The following PPP1R9A variants were observed in gnomAD, a reference collection of about 807,000 sequenced individuals.
PPP1R9A encodes the protein protein phosphatase 1 regulatory subunit 9A.
Under a neutral mutation model 141.9 loss-of-function variants are expected in PPP1R9A, and 59 were observed. The observed-to-expected ratio is 0.42, with a 90% CI of 0.34 to 0.52. The LOEUF is 0.52. Ranked by LOEUF, PPP1R9A falls within the 20% of genes least tolerant of loss-of-function variation. The pLI, the probability that PPP1R9A is intolerant of heterozygous loss-of-function variation, is 0.10. For synonymous variants in PPP1R9A, 500 were observed against 569.7 expected, an observed-to-expected ratio of 0.88 and a Z score of 1.74; for missense variants, 1,444 against 1,611.9, an observed-to-expected ratio of 0.90 and a Z score of 1.78.
intron 5 of PPP1R9A, among the ~76,000 whole-genome samples, chr7:95,173,048 T>G (rs1467644666): frequency 6.6e-6 from 1 of 151,892 alleles, no homozygotes; most frequent in Non-Finnish European, 1.5e-5. Flanking sequence ...GACCTTCATC[T>G]CACAGTATAT....
At chr7:94,977,912 G>A (rs1331030008) in intron 2 of PPP1R9A, among the ~76,000 whole-genome samples, 1 of 151,924 alleles carries the variant, frequency 6.6e-6, no homozygotes, top group Non-Finnish European at 1.5e-5. Context: ...ACAGGCACGT[G>A]CCACCATGCC....
chr7:95,073,845 G>T (rs1814401651), intron 2 of PPP1R9A, among the ~76,000 whole-genome samples: 1 of 151,766 alleles, frequency 6.6e-6, no homozygotes, highest in Non-Finnish European at 1.5e-5. Context: ...GCCTCCCAAA[G>T]TGCTGAGATT....
At chr7:95,289,588 A>G (rs1249575531) in intron 19 of PPP1R9A, among the ~76,000 whole-genome samples, 1 of 152,190 alleles carries the variant, frequency 6.6e-6, no homozygotes, top group Admixed American at 6.5e-5. Context: ...GCCTACAGGG[A>G]AAGAATGGCT....
chr7:94,971,499 T>A (rs1798856164), intron 2 of PPP1R9A, among the ~76,000 whole-genome samples: 1 of 152,198 alleles, frequency 6.6e-6, no homozygotes, highest in Non-Finnish European at 1.5e-5. Context: ...GTAAAATAAC[T>A]CTTAACTCTT....
chr7:95,157,523 C>T (rs947094560), intron 4 of PPP1R9A, among the ~76,000 whole-genome samples: 2 of 152,178 alleles, frequency 1.3e-5, no homozygotes, highest in African/African-American at 2.4e-5. Context: ...GAAGGGCTTA[C>T]GCTTGTCCCC....
intron 2 of PPP1R9A, among the ~76,000 whole-genome samples, chr7:95,094,024 T>A (rs938390797): frequency 6.6e-6 from 1 of 152,190 alleles, no homozygotes; most frequent in Non-Finnish European, 1.5e-5. Context: ...GCTGATTTAT[T>A]TGAATAAAAA....
At position 94,982,965 on chromosome 7, in the gene PPP1R9A, G is replaced by A. The variant is rs1056349659; in HGVS notation, c.1395+71457G>A. On this transcript the variant is annotated intron_variant, in intron 2 of 19. Transcript: ENST00000433360. ...TTATGGTTTTAGGTCTAACATTTAA[G>A]TCTTTAATCCATCTTGAATTAATTT... Among the ~76,000 whole-genome samples, 90 of 152,282 alleles carry A rather than the reference G, an allele frequency of 5.9e-4. 1 individual carries two copies. Among genetic ancestry groups the A allele is most frequent in the African/African-American group, 2.1e-3 (86 of 41,556 alleles).
At chr7:94,998,203 A>G (rs1383522346) in intron 2 of PPP1R9A, among the ~76,000 whole-genome samples, 1 of 152,160 alleles carries the variant, frequency 6.6e-6, no homozygotes, top group Non-Finnish European at 1.5e-5. Context: ...ATGAAATTCT[A>G]CACAGGACCC....
At chr7:95,126,013 A>T (rs935157401) in intron 4 of PPP1R9A, among the ~76,000 whole-genome samples, 26 of 152,086 alleles carry the variant, frequency 1.7e-4, no homozygotes, top group Non-Finnish European at 5.9e-5. Flanking sequence ...CCCCTATTCG[A>T]TGGTTTCCTC....
Position 95,140,615 on chromosome 7 carries a change from T to G in PPP1R9A, c.1649+19783T>G, listed in dbSNP as rs567493921. On this transcript the variant is annotated intron_variant, in intron 4 of 19. Transcript: ENST00000433360. ...CATGTTGGCCAGGCTGGTCTTGAAT[T>G]CCTGGTCCCAAGTGGTCTACCTATC... Among the ~76,000 whole-genome samples, 72 of 152,342 alleles carry G rather than the reference T, an allele frequency of 4.7e-4. 1 individual carries two copies. The highest frequency in any genetic ancestry group is 1.7e-3 in the African/African-American group (70 of 41,572).
At chr7:95,128,418 T>C (rs1483436268) in intron 4 of PPP1R9A, among the ~76,000 whole-genome samples, 1 of 152,234 alleles carries the variant, frequency 6.6e-6, no homozygotes, top group African/African-American at 2.4e-5. Flanking sequence ...TATTCGACTT[T>C]TGTCAGATGC....
rs201789310 is a variant in PPP1R9A, at chr7:95,198,458, G to T, written c.1864G>T (p.Ala622Ser). ...GAGAGAGCTGCTGGAACAGCACTATGCCCAGTATGATGCCGACGATGACGA... is the reference window on the plus strand; with the variant it reads ...GAGAGAGCTGCTGGAACAGCACTATTCCCAGTATGATGCCGACGATGACGA... ...RQRELLEQHY[A>S]QYDADDDENT... The change falls in exon 6 of 20, where the codon GCC (alanine) becomes TCC (serine). Residue 622 changes from alanine to serine, a missense_variant. Ala to Ser is a moderately conservative substitution (Grantham distance 99). Around this residue, in one of 5 missense-constraint regions of PPP1R9A, gnomAD observed 488 missense variants for 542.0 expected, o/e 0.90. Coordinates refer to ENST00000433360, the MANE Select transcript of PPP1R9A (RefSeq NM_001166160.2). 68 of 1,601,984 alleles carry T rather than the reference G, an allele frequency of 4.2e-5. No homozygotes were observed. Among genetic ancestry groups the T allele is most frequent in the Middle Eastern group, 1.7e-4 (1 of 6,004 alleles).
intron 4 of PPP1R9A, among the ~76,000 whole-genome samples, chr7:95,123,988 G>T (rs1307104078): frequency 6.6e-6 from 1 of 152,112 alleles, no homozygotes; most frequent in Non-Finnish European, 1.5e-5. Context: ...AGAGGTCAGA[G>T]AAACTTTAGA....
At chr7:94,987,856 T>C (rs367967288) in intron 2 of PPP1R9A, among the ~76,000 whole-genome samples, 7 of 152,284 alleles carry the variant, frequency 4.6e-5, no homozygotes, top group African/African-American at 1.4e-4. Context: ...ACATTTGAGA[T>C]GTTATTCAGA....
chr7:95,254,476 C>A (rs531953382), intron 12 of PPP1R9A, among the ~76,000 whole-genome samples: 1 of 152,266 alleles, frequency 6.6e-6, no homozygotes, highest in South Asian at 2.1e-4. Flanking sequence ...CCATCACCAA[C>A]GTTTTGTACC....
intron 2 of PPP1R9A, among the ~76,000 whole-genome samples, chr7:95,093,043 G>T (rs1424213253): frequency 6.6e-6 from 1 of 152,132 alleles, no homozygotes; most frequent in Non-Finnish European, 1.5e-5. Flanking sequence ...TATCAATATG[G>T]CAGGTGGAGA....
chr7:95,229,444 G>T (rs894169175), intron 8 of PPP1R9A, among the ~76,000 whole-genome samples: 24 of 151,516 alleles, frequency 1.6e-4, no homozygotes, highest in African/African-American at 5.8e-4. Flanking sequence ...AGTGAGACTG[G>T]CCTTTAGGAC....
chr7:95,151,418 A>G (rs1563318115), intron 4 of PPP1R9A, among the ~76,000 whole-genome samples: 1 of 152,242 alleles, frequency 6.6e-6, no homozygotes, highest in Non-Finnish European at 1.5e-5. Context: ...TGCAAATGCA[A>G]AACTATGGAG....
intron 2 of PPP1R9A, among the ~76,000 whole-genome samples, chr7:95,094,080 T>C (rs1292791246): frequency 6.6e-6 from 1 of 152,166 alleles, no homozygotes; most frequent in Non-Finnish European, 1.5e-5. Flanking sequence ...GTAATAAATC[T>C]ATAGGAGAGA....
Sources: gnomAD v4.1 joint callset for allele counts (sites outside exome capture counted in the v4.1 genomes callset) on GRCh38, gnomAD v4.1.1 for gene constraint, gnomAD v4.1.1 regional missense constraint, MANE v1.5 for transcripts, NCBI Gene and HGNC (gene_info 2026-07-23, HGNC 2026-07-21) for gene names.